GMPS: variants seen among roughly 807,000 people sequenced by gnomAD.
GMPS encodes the protein GMP synthase [glutamine-hydrolyzing].
Under a neutral mutation model 77.9 loss-of-function variants are expected in GMPS, and 15 were observed. That is an observed-to-expected ratio of 0.19 (90% CI 0.13 to 0.30). The LOEUF (loss-of-function observed/expected upper bound fraction) is 0.30. Among genes scored for constraint, GMPS ranks in the 10% least tolerant of loss-of-function variants. The pLI, the probability that GMPS is intolerant of heterozygous loss-of-function variation, is 1.00. For missense variants in GMPS, 590 were observed against 838.8 expected, an observed-to-expected ratio of 0.70 and a Z score of 3.66; for synonymous variants, 224 against 275.9, an observed-to-expected ratio of 0.81 and a Z score of 1.86.
Position 155,899,299 on chromosome 3 carries a change from C to T in GMPS, c.324+1258C>T, listed in dbSNP as rs564184497. On this transcript the variant is annotated intron_variant, in intron 3 of 15. Transcript: ENST00000496455. ...AGGAGAATCACTTAAACCTGGGAGG[C>T]GGAGGTTGCGGTGAGTGGAGATCAT... is the stretch of plus-strand genomic sequence containing the variant. Among the ~76,000 whole-genome samples, 358 of 151,742 alleles carry T rather than the reference C, an allele frequency of 2.4e-3. 1 individual carries two copies. The highest frequency in any genetic ancestry group is 8.4e-3 in the African/African-American group (349 of 41,330).
intron 12 of GMPS, among the ~76,000 whole-genome samples, chr3:155,927,155 T>G (rs955943560): frequency 2.0e-5 from 3 of 152,254 alleles, no homozygotes; most frequent in African/African-American, 7.2e-5. Flanking sequence ...TATGTTGTTT[T>G]AAAATCACTA....
In GMPS at chr3:155,910,831, A is replaced by G. The variant is rs201424555; in HGVS notation, c.666A>G (p.Arg222=). 4 of 1,609,140 alleles carry G rather than the reference A, an allele frequency of 2.5e-6. No homozygotes were observed. The highest frequency in any genetic ancestry group is 2.5e-6 in the Non-Finnish European group (3 of 1,178,524). The change falls in exon 6 of 16, where the codon AGA becomes AGG. Residue 222 remains arginine, a synonymous_variant. Coordinates refer to ENST00000496455, the MANE Select transcript of GMPS (RefSeq NM_003875.3). ...GCSGTFTVQN[R]ELECIREIKE... ...GTGGAACCTTCACCGTGCAGAACAG[A>G]GAACTTGAGTGTATTCGAGAGATCA...
At chr3:155,910,966 C>T in intron 6 of GMPS, 81 bp downstream of exon 6, 1 of 1,097,956 alleles carries the variant, frequency 9.1e-7, no homozygotes. Flanking sequence ...CAACACAGCC[C>T]TTAAATGTTC....
At chr3:155,912,230 C>T (rs1755059283) in intron 7 of GMPS, among the ~76,000 whole-genome samples, 1 of 152,098 alleles carries the variant, frequency 6.6e-6, no homozygotes, top group African/African-American at 2.4e-5. Context: ...TGAAACTTCT[C>T]TAAAATAACA....
At chr3:155,928,815 C>T (rs200200126) in intron 12 of GMPS, among the ~76,000 whole-genome samples, 1 of 147,766 alleles carries the variant, frequency 6.8e-6, no homozygotes, top group Non-Finnish European at 1.5e-5. Flanking sequence ...CGATAGTTTA[C>T]TGAGAATGAT....
chr3:155,890,464 G>A (rs1754438595), intron 1 of GMPS, among the ~76,000 whole-genome samples: 1 of 152,096 alleles, frequency 6.6e-6, no homozygotes. Context: ...TTACAAAAGT[G>A]TAGGGAAATA....
intron 12 of GMPS, among the ~76,000 whole-genome samples, chr3:155,926,050 C>A (rs966985563): frequency 2.0e-5 from 3 of 151,828 alleles, no homozygotes; most frequent in African/African-American, 7.3e-5. Context: ...CTTGCCCTGT[C>A]GCCCAGGCTG....
At chr3:155,884,019 T>C (rs1278505534) in intron 1 of GMPS, among the ~76,000 whole-genome samples, 2 of 151,788 alleles carry the variant, frequency 1.3e-5, no homozygotes, top group Non-Finnish European at 2.9e-5. Flanking sequence ...TGTTATTGAA[T>C]AGAAAAACTA....
intron 1 of GMPS, among the ~76,000 whole-genome samples, chr3:155,872,821 A>G (rs1753936242): frequency 2.0e-5 from 3 of 152,214 alleles, no homozygotes; most frequent in Non-Finnish European, 1.5e-5. Flanking sequence ...CAAGAGGAAC[A>G]TCTGGAGAAT....
chr3:155,923,434 G>A (rs1231653376), intron 11 of GMPS, among the ~76,000 whole-genome samples: 2 of 151,960 alleles, frequency 1.3e-5, no homozygotes, highest in Non-Finnish European at 2.9e-5. Context: ...CTCAGATTCA[G>A]GAAATGTAAC....
intron 12 of GMPS, 68 bp from the exon 13 acceptor site, chr3:155,931,697 A>AAAT: frequency 1.0e-5 from 6 of 573,026 alleles, no homozygotes; most frequent in Non-Finnish European, 1.9e-5. Flanking sequence ...AAAAAAAAAA[A>AAAT]GCTTTGTCAA....
intron 1 of GMPS, among the ~76,000 whole-genome samples, chr3:155,882,469 C>G (rs1234249482): frequency 6.6e-6 from 1 of 152,174 alleles, no homozygotes; most frequent in African/African-American, 2.4e-5. Context: ...TCAGATGTTA[C>G]CAGCTTATCC....
rs1755850175 is a variant in GMPS at position 155,939,885 on chromosome 3, T to C, written c.*2193T>C. On this transcript the variant is annotated 3_prime_UTR_variant, in exon 16 of 16. Coordinates refer to ENST00000496455, the MANE Select transcript of GMPS (RefSeq NM_003875.3). ...CTGAGCCACTGAGGAAAGTTAAAGG[T>C]TGCACTTCCATTTTACAGTTAAGAA... The C allele has an allele frequency of 9.9e-6, 2 of 202,002 alleles. No individual in the cohort carries two copies. The highest frequency in any genetic ancestry group is 3.8e-4 in the South Asian group (2 of 5,248). The allele number at this position is 202,002 out of a possible 1,614,324, so 12.5% of individuals were successfully genotyped here. A position where few individuals can be genotyped will look rare whatever the true frequency, so the allele number is the denominator to read the frequency against.
In GMPS at chr3:155,880,847, A is replaced by G. The variant is rs376517139; in HGVS notation, c.27+9950A>G. Among the ~76,000 whole-genome samples, 11 of 152,148 alleles carry G rather than the reference A, an allele frequency of 7.2e-5. No individual in the cohort carries two copies. The East Asian group carries it at 1.4e-3, about 19-fold the overall frequency. Reference sequence around the variant, plus strand: ...TCTCTAGAGGTTAATAGTGCTTCTCAGTGGTTTCTTTTCTCTGATGTCTTT... The same window carrying G: ...TCTCTAGAGGTTAATAGTGCTTCTCGGTGGTTTCTTTTCTCTGATGTCTTT... On this transcript the variant is annotated intron_variant, in intron 1 of 15. Coordinates refer to ENST00000496455, the MANE Select transcript of GMPS (RefSeq NM_003875.3).
chr3:155,888,894 T>C (rs1754401318), intron 1 of GMPS, among the ~76,000 whole-genome samples: 1 of 152,116 alleles, frequency 6.6e-6, no homozygotes, highest in Non-Finnish European at 1.5e-5. Flanking sequence ...CTAATTTTTG[T>C]ATTTTTTGTA....
rs527960239 is a variant in GMPS, at chr3:155,900,461, CTTATAG to C, written c.324+2426_324+2431del. Among the ~76,000 whole-genome samples, 667 of 151,306 alleles carry C rather than the reference CTTATAG, an allele frequency of 4.4e-3. 9 individuals carry two copies. The highest frequency in any genetic ancestry group is 0.016 in the African/African-American group (652 of 41,202). ...ACTCAGTGTTAATCATATAGCACAA[CTTATAG>C]TTATATTAAATGGTTGTTAGTATAT... is the stretch of plus-strand genomic sequence containing the variant. On this transcript the variant is annotated intron_variant, in intron 3 of 15. Transcript: ENST00000496455.
intron 9 of GMPS, among the ~76,000 whole-genome samples, chr3:155,917,475 A>G (rs900586150): frequency 3.9e-5 from 6 of 152,138 alleles, no homozygotes; most frequent in African/African-American, 4.8e-5. Context: ...AATACCTCAT[A>G]TAGGTGGAAT....
chr3:155,900,943 A>G (rs1754720311), intron 3 of GMPS, among the ~76,000 whole-genome samples: 3 of 152,296 alleles, frequency 2.0e-5, no homozygotes, highest in African/African-American at 7.2e-5. Context: ...GAGCAATTTC[A>G]GTGTCTTATA....
chr3:155,934,008 G>A (rs1248767849), intron 13 of GMPS, among the ~76,000 whole-genome samples: 6 of 152,124 alleles, frequency 3.9e-5, no homozygotes, highest in South Asian at 2.1e-4. Flanking sequence ...GAAGTAGTAG[G>A]ATACTAAGTC....
Sources: allele counts gnomAD v4.1 joint callset (sites outside exome capture counted in the v4.1 genomes callset), GRCh38; gene constraint gnomAD v4.1.1; transcripts MANE v1.5; gene names NCBI Gene and HGNC (gene_info 2026-07-23, HGNC 2026-07-21).